ADGRV1: variants seen among roughly 807,000 people sequenced by gnomAD.
The protein encoded by ADGRV1 is adhesion G protein-coupled receptor V1.
A neutral mutation model predicts 596.2 loss-of-function variants in ADGRV1; 359 were observed. That is an observed-to-expected ratio of 0.60 (90% CI 0.55 to 0.66). The LOEUF is 0.66. ADGRV1 is among the 30% of genes least tolerant of loss of function. The pLI is 0.00. For synonymous variants in ADGRV1, 2,681 were observed against 2,679.2 expected, an observed-to-expected ratio of 1.00 and a Z score of -0.02; for missense variants, 7,274 against 7,575.6, an observed-to-expected ratio of 0.96 and a Z score of 1.48.
chr5:91,041,797 A>G (rs979412083), intron 85 of ADGRV1, among the ~76,000 whole-genome samples: 5 of 152,152 alleles, frequency 3.3e-5, no homozygotes, highest in African/African-American at 7.2e-5. Context: ...CAATTGGTCA[A>G]TATAATCTCT....
intron 87 of ADGRV1, among the ~76,000 whole-genome samples, chr5:91,120,410 A>AT (rs1361531314): frequency 6.6e-6 from 1 of 152,220 alleles, no homozygotes; most frequent in Admixed American, 6.5e-5. Context: ...GGCAGGCAGT[A>AT]TTCAAGCTGC....
chr5:91,076,822 A>C (rs1034882673), intron 86 of ADGRV1, among the ~76,000 whole-genome samples: 1 of 152,034 alleles, frequency 6.6e-6, no homozygotes, highest in African/African-American at 2.4e-5. Flanking sequence ...ACTTAACTCA[A>C]ATTCAAAATT....
At chr5:90,848,888 G>A (rs1766188059) in intron 79 of ADGRV1, 67 bp downstream of exon 79, 1 of 1,129,280 alleles carries the variant, frequency 8.9e-7, no homozygotes, top group Non-Finnish European at 1.3e-6. Flanking sequence ...AAAGCAATAT[G>A]TAATGCAAAA....
Position 90,693,944 on chromosome 5 carries a change from A to G in ADGRV1, c.7188A>G (p.Val2396=), listed in dbSNP as rs377138808. The G allele has an allele frequency of 1.3e-5, 21 of 1,602,690 alleles. No homozygotes were observed. Among genetic ancestry groups the G allele is most frequent in the South Asian group, 1.1e-5 (1 of 90,172 alleles). The change falls in exon 33 of 90, where the codon GTA becomes GTG. Residue 2396 remains valine, a synonymous_variant. Coordinates refer to ENST00000405460, the MANE Select transcript of ADGRV1 (RefSeq NM_032119.4). ...TCTACAGTACTTCCGACATTGATGT[A>G]GTGGCTCTGGCAATGGAGGAAGGTC... ...LLFYSTSDID[V]VALAMEEGQD...
chr5:90,878,387 C>G (rs781381429), intron 83 of ADGRV1, among the ~76,000 whole-genome samples: 45 of 152,126 alleles, frequency 3.0e-4, no homozygotes, highest in Non-Finnish European at 5.6e-4. Context: ...TCAGTGGTGG[C>G]CATGAGAGAG....
intron 20 of ADGRV1, chr5:90,654,615 C>T (rs1472262785): frequency 1.3e-5 from 2 of 152,486 alleles, no homozygotes; most frequent in African/African-American, 4.8e-5. Context: ...CCCTCTCAGC[C>T]CCTCCATCTT....
chr5:90,889,967 T>C (rs1770653813), intron 83 of ADGRV1, among the ~76,000 whole-genome samples: 1 of 152,144 alleles, frequency 6.6e-6, no homozygotes. Context: ...GCAAAACCTT[T>C]GCCCATTCCA....
chr5:90,865,431 C>T (rs375213473), intron 83 of ADGRV1, among the ~76,000 whole-genome samples: 19 of 152,218 alleles, frequency 1.2e-4, no homozygotes, highest in African/African-American at 4.3e-4. Context: ...GACAAATTTG[C>T]TCGTGTCTAG....
intron 83 of ADGRV1, among the ~76,000 whole-genome samples, chr5:90,934,401 AT>A (rs1330302900): frequency 6.6e-6 from 1 of 152,216 alleles, no homozygotes; most frequent in Admixed American, 6.5e-5. Flanking sequence ...TCGGAACATT[AT>A]TCTGCCACTT....
intron 78 of ADGRV1, among the ~76,000 whole-genome samples, chr5:90,845,715 A>G (rs1270760656): frequency 1.3e-5 from 2 of 152,046 alleles, no homozygotes. Context: ...TTAGACATGA[A>G]TATTCTTCAG....
chr5:91,097,150 A>G (rs930333984), intron 86 of ADGRV1, among the ~76,000 whole-genome samples: 38 of 152,362 alleles, frequency 2.5e-4, no homozygotes, highest in African/African-American at 8.7e-4. Flanking sequence ...TTCTGGAGAC[A>G]GAAAGTCCAA....
chr5:90,774,623 T>C (rs971061341), intron 60 of ADGRV1, among the ~76,000 whole-genome samples: 1 of 152,118 alleles, frequency 6.6e-6, no homozygotes, highest in African/African-American at 2.4e-5. Context: ...AGTAGGAGAC[T>C]AGTTAAATGT....
chr5:90,800,071 G>A (rs1431554020), intron 70 of ADGRV1, among the ~76,000 whole-genome samples: 1 of 152,164 alleles, frequency 6.6e-6, no homozygotes, highest in Non-Finnish European at 1.5e-5. Context: ...AGCCAAAATT[G>A]ACCAATGGGA....
At chr5:90,958,283 CAAAAAAAAAAAA>C (rs34676985) in intron 83 of ADGRV1, among the ~76,000 whole-genome samples, 1 of 72,842 alleles carries the variant, frequency 1.4e-5, no homozygotes, top group Non-Finnish European at 2.7e-5. Flanking sequence ...GACCTTGTCT[CAAAAAAAAAAAA>C]AAAAAAAAGA....
chr5:91,083,483 A>G (rs1300309937), intron 86 of ADGRV1, among the ~76,000 whole-genome samples: 2 of 152,200 alleles, frequency 1.3e-5, no homozygotes, highest in Non-Finnish European at 2.9e-5. Context: ...AAGTGAATAG[A>G]AGAAAGTGAC....
At position 90,761,025 on chromosome 5, in the gene ADGRV1, G is replaced by A. The variant is rs1369612751; in HGVS notation, c.12120+1437G>A. On this transcript the variant is annotated intron_variant, in intron 58 of 89. Transcript: ENST00000405460. ...CTCAGCAACTTTTCCGGCCCCATAT[G>A]TCACCATTCCCTTCATTTAATCACT... Among the ~76,000 whole-genome samples, 3 of 152,120 alleles carry A rather than the reference G, an allele frequency of 2.0e-5. 1 individual carries two copies. The East Asian group carries it at 5.8e-4, about 29-fold the overall frequency.
Position 90,657,998 on chromosome 5 carries a change from C to A in ADGRV1, c.4472C>A (p.Thr1491Lys), listed in dbSNP as rs138373307. ...QDVRSYERKL[T>K]LEEIYELHAM... is the part of the protein sequence containing the mutation. Reference sequence around the variant, plus strand: ...GTGAGGTCCTATGAGCGGAAACTGACGCTTGAAGAAATTTATGAACTTCAT... The same window carrying A: ...GTGAGGTCCTATGAGCGGAAACTGAAGCTTGAAGAAATTTATGAACTTCAT... Residue 1491 changes from threonine to lysine, a missense_variant, in exon 21 of 90, where the codon ACG (threonine) becomes AAG (lysine). By Grantham distance (78) the Thr-to-Lys change is moderately conservative. Transcript: ENST00000405460. The A allele has an allele frequency of 6.2e-7, 1 of 1,613,926 alleles. No individual in the cohort carries two copies. Among genetic ancestry groups the A allele is most frequent in the African/African-American group, 1.3e-5 (1 of 75,042 alleles).
At chr5:90,646,334 A>C (rs1767753671) in intron 16 of ADGRV1, among the ~76,000 whole-genome samples, 1 of 151,928 alleles carries the variant, frequency 6.6e-6, no homozygotes, top group African/African-American at 2.4e-5. Context: ...ATACTTCAAA[A>C]ATTTTTTGAA....
intron 85 of ADGRV1, among the ~76,000 whole-genome samples, chr5:91,012,323 C>T (rs61145978): frequency 0.016 from 2,490 of 152,056 alleles, 58 homozygotes; most frequent in African/African-American, 0.056. Flanking sequence ...GAACAACTTA[C>T]GCTTTCCTTT....
Sources: allele counts gnomAD v4.1 joint callset (sites outside exome capture counted in the v4.1 genomes callset), GRCh38; gene constraint gnomAD v4.1.1; transcripts MANE v1.5; gene names NCBI Gene and HGNC (gene_info 2026-07-23, HGNC 2026-07-21).